Variants in GDAP2 observed in about 807,000 individuals in gnomAD.
GDAP2 encodes ganglioside-induced differentiation-associated protein 2.
Under a neutral mutation model 67.0 loss-of-function variants are expected in GDAP2, and 51 were observed. The observed-to-expected ratio is 0.76, with a 90% CI of 0.61 to 0.96. GDAP2 has a LOEUF of 0.96. Ranked by LOEUF, GDAP2 falls within the 40% of genes least tolerant of loss-of-function variation. GDAP2 has a pLI of 0.00. For missense variants in GDAP2, 547 were observed against 588.3 expected, an observed-to-expected ratio of 0.93 and a Z score of 0.73; for synonymous variants, 203 against 207.3, an observed-to-expected ratio of 0.98 and a Z score of 0.18.
intron 3 of GDAP2, among the ~76,000 whole-genome samples, chr1:117,912,998 C>A (rs1168258112): frequency 6.6e-6 from 1 of 152,104 alleles, no homozygotes; most frequent in Non-Finnish European, 1.5e-5. Context: ...TAATTGCTTG[C>A]AGAAATGAGA....
At chr1:117,907,272 A>G (rs1649689824) in intron 5 of GDAP2, among the ~76,000 whole-genome samples, 1 of 152,134 alleles carries the variant, frequency 6.6e-6, no homozygotes, top group African/African-American at 2.4e-5. Flanking sequence ...TTCTGCCTTC[A>G]ATATTTTTTA....
intron 6 of GDAP2, among the ~76,000 whole-genome samples, chr1:117,901,499 T>A (rs1481938498): frequency 6.6e-6 from 1 of 152,226 alleles, no homozygotes; most frequent in Non-Finnish European, 1.5e-5. Context: ...CTACGAGGGT[T>A]CCAATTTCTC....
At chr1:117,913,509 G>A (rs1171174944) in intron 3 of GDAP2, 1 of 152,054 alleles carries the variant, frequency 6.6e-6, no homozygotes, top group Non-Finnish European at 1.5e-5. Context: ...GCTGAAAAGA[G>A]GGGATTTAGT....
chr1:117,894,358 A>G (rs1432394399), intron 8 of GDAP2, among the ~76,000 whole-genome samples: 2 of 152,140 alleles, frequency 1.3e-5, no homozygotes, highest in African/African-American at 4.8e-5. Flanking sequence ...TATTTTTGTA[A>G]TAACATTATT....
intron 12 of GDAP2, 119 bp downstream of exon 12, chr1:117,881,704 C>A (rs970441993): frequency 2.9e-6 from 2 of 687,642 alleles, no homozygotes; most frequent in African/African-American, 1.8e-5. Context: ...ACTTAGAAAC[C>A]AGGAAATTAG....
intron 13 of GDAP2, 61 bp from the exon 14 acceptor site, chr1:117,870,677 GA>G (rs1557792042): frequency 7.4e-6 from 8 of 1,087,046 alleles, no homozygotes; most frequent in Non-Finnish European, 8.5e-6. Flanking sequence ...CTGGAAATGT[GA>G]AAAAAAGGGA....
chr1:117,871,001 C>G (rs188611030), intron 13 of GDAP2, among the ~76,000 whole-genome samples: 24 of 152,260 alleles, frequency 1.6e-4, no homozygotes, highest in Admixed American at 8.5e-4. Context: ...TAGTTGGTAA[C>G]CAGCACAGCC....
At chr1:117,910,567 T>C (rs1649818226) in intron 5 of GDAP2, among the ~76,000 whole-genome samples, 1 of 152,164 alleles carries the variant, frequency 6.6e-6, no homozygotes, top group Non-Finnish European at 1.5e-5. Context: ...TACATAATAA[T>C]AACTTATACA....
At position 117,864,610 on chromosome 1, in the gene GDAP2, G is replaced by A. The variant is rs1228262698; in HGVS notation, c.*5959C>T. ...TTTGCTTGTGTTAACCCATAAACTT[G>A]TTTTGGTTTTATACTTGTGCAAGAC... On this transcript the variant is annotated 3_prime_UTR_variant, in exon 14 of 14. Transcript: ENST00000369443. 6.6e-6 allele frequency: 1 copy of A among 151,962 alleles called. No individual in the cohort carries two copies. The highest frequency in any genetic ancestry group is 2.4e-5 in the African/African-American group (1 of 41,378). The allele number at this position is 151,962 out of a possible 1,614,324, so 9.4% of individuals were successfully genotyped here. A position where few individuals can be genotyped will look rare whatever the true frequency, so the allele number is the denominator to read the frequency against.
intron 1 of GDAP2, among the ~76,000 whole-genome samples, chr1:117,923,051 G>A (rs755650900): frequency 4.6e-5 from 7 of 152,268 alleles, no homozygotes; most frequent in Middle Eastern, 3.4e-3. Context: ...TCTCTTATCC[G>A]TTTTTGGTAA....
At chr1:117,911,909 G>A in intron 5 of GDAP2, 85 bp downstream of exon 5, 1 of 741,364 alleles carries the variant, frequency 1.3e-6, no homozygotes, top group South Asian at 1.5e-5. Flanking sequence ...CCAAGTCGCT[G>A]GAATTACAGG....
rs1251699954 is a variant in GDAP2, at chr1:117,906,554, A to G, written c.588T>C (p.His196=). The change falls in exon 6 of 14, where the codon CAT becomes CAC. Residue 196 remains histidine, a synonymous_variant. Coordinates refer to ENST00000369443, the MANE Select transcript of GDAP2 (RefSeq NM_017686.4). The part of the protein sequence containing the change: ...LRTVRRFLEI[H]GETIEKVVFA... ...ATACTACTTTTTCAATGGTTTCCCC[A>G]TGAATCTCTAGGAATCTTCTTACAG... 6.3e-7 allele frequency: 1 copy of G among 1,577,602 alleles called. No individual in the cohort carries two copies. Among genetic ancestry groups the G allele is most frequent in the Non-Finnish European group, 8.7e-7 (1 of 1,149,838 alleles).
chr1:117,885,597 C>G (rs961532007), intron 10 of GDAP2, among the ~76,000 whole-genome samples: 2 of 152,124 alleles, frequency 1.3e-5, no homozygotes, highest in Non-Finnish European at 2.9e-5. Flanking sequence ...CTTTTTGCTA[C>G]AAATGACCCT....
chr1:117,920,316 A>G lies in GDAP2; in HGVS notation c.42T>C (p.Asp14=). The part of the protein sequence containing the change: ...LGAPSQFVDV[D]TLPSWGDSCQ... ...ATGAGTCACCCCAGCTTGGTAGTGT[A>G]TCCACATCCACAAACTGGGAAGGTG... The change falls in exon 2 of 14, where the codon GAT becomes GAC. Residue 14 remains aspartate, a synonymous_variant. Coordinates refer to ENST00000369443, the MANE Select transcript of GDAP2 (RefSeq NM_017686.4). 1 of 1,607,994 alleles carries G rather than the reference A, an allele frequency of 6.2e-7. No homozygotes were observed. The highest frequency in any genetic ancestry group is 8.5e-7 in the Non-Finnish European group (1 of 1,176,866).
At chr1:117,880,415 A>AGC (rs1362378577) in intron 12 of GDAP2, among the ~76,000 whole-genome samples, 1 of 152,206 alleles carries the variant, frequency 6.6e-6, no homozygotes, top group Non-Finnish European at 1.5e-5. Flanking sequence ...TGGTGTGAAA[A>AGC]GCTTCAGCTG....
At chr1:117,905,753 C>T (rs558204824) in intron 6 of GDAP2, among the ~76,000 whole-genome samples, 1 of 151,966 alleles carries the variant, frequency 6.6e-6, no homozygotes, top group African/African-American at 2.4e-5. Context: ...CCAGATGAAA[C>T]GAGATAAAGT....
intron 7 of GDAP2, among the ~76,000 whole-genome samples, chr1:117,897,327 C>T (rs945793450): frequency 6.6e-6 from 1 of 152,088 alleles, no homozygotes; most frequent in Admixed American, 6.6e-5. Context: ...TGCACAGCAT[C>T]TGACAAAAAA....
chr1:117,897,282 T>G (rs762112396), intron 7 of GDAP2, among the ~76,000 whole-genome samples: 2 of 152,174 alleles, frequency 1.3e-5, no homozygotes. Flanking sequence ...AAGACAGAAG[T>G]AAATAGATTG....
In GDAP2 at chr1:117,866,947, T is replaced by C. The variant is rs1250708452; in HGVS notation, c.*3622A>G. 1 of 152,126 alleles carries C rather than the reference T, an allele frequency of 6.6e-6. No homozygotes were observed. The highest frequency in any genetic ancestry group is 1.5e-5 in the Non-Finnish European group (1 of 68,008). The allele number at this position is 152,126 out of a possible 1,614,324, so 9.4% of individuals were successfully genotyped here. A position where few individuals can be genotyped will look rare whatever the true frequency, so the allele number is the denominator to read the frequency against. Reference sequence around the variant, plus strand: ...GTTTTTATATTATCCTGCAGTTCTTTTGGTCCTTAATACAATCAATCCACT... The same window carrying C: ...GTTTTTATATTATCCTGCAGTTCTTCTGGTCCTTAATACAATCAATCCACT... On this transcript the variant is annotated 3_prime_UTR_variant, in exon 14 of 14. Coordinates refer to ENST00000369443, the MANE Select transcript of GDAP2 (RefSeq NM_017686.4).
Sources: gnomAD v4.1 joint callset for allele counts (sites outside exome capture counted in the v4.1 genomes callset) on GRCh38, gnomAD v4.1.1 for gene constraint, MANE v1.5 for transcripts, NCBI Gene and HGNC (gene_info 2026-07-23, HGNC 2026-07-21) for gene names.